The following LOXHD1 variants were observed in gnomAD, a reference collection of about 807,000 sequenced individuals.
LOXHD1 encodes the protein lipoxygenase homology PLAT domains 1, also known as lipoxygenase homology domain-containing protein 1.
In LOXHD1, 205 loss-of-function variants were observed where a neutral mutation model predicts 248.2. The ratio of observed to expected loss-of-function variants is 0.83; its 90% confidence interval spans 0.74 to 0.93. The LOEUF is 0.93. Ranked by LOEUF, LOXHD1 falls within the 40% of genes least tolerant of loss-of-function variation. LOXHD1 has a pLI of 0.00. For missense variants in LOXHD1, 2,930 were observed against 2,971.6 expected, an observed-to-expected ratio of 0.99 and a Z score of 0.33; for synonymous variants, 1,113 against 1,162.8, an observed-to-expected ratio of 0.96 and a Z score of 0.87.
At chr18:46,642,881 G>C (rs1004214015) in intron 2 of LOXHD1, among the ~76,000 whole-genome samples, 4 of 152,066 alleles carry the variant, frequency 2.6e-5, no homozygotes, top group Admixed American at 2.0e-4. Flanking sequence ...TATCCCACTG[G>C]GCTGAGAGCT....
rs74316327 is a variant in LOXHD1, at chr18:46,477,710, C to T, written c.6584G>A (p.Arg2195His). Residue 2195 changes from arginine to histidine, a missense_variant, in exon 41 of 41, where the codon CGC becomes CAC. By Grantham distance (29) the Arg-to-His change is conservative. Transcript: ENST00000642948. ...TGTGCTGCCCCGCTCGAAGAGGTTGCGCATTTTCTGCTTCAGCTCCCGCTT... is the reference window on the plus strand; with the variant it reads ...TGTGCTGCCCCGCTCGAAGAGGTTGTGCATTTTCTGCTTCAGCTCCCGCTT... ...TGKRELKQKM[R>H]NLFERGSTDR... The T allele has an allele frequency of 0.062, 96,945 of 1,551,918 alleles. 3,482 individuals carry two copies. The highest frequency in any genetic ancestry group is 0.073 in the Non-Finnish European group (83,266 of 1,147,058).
At chr18:46,622,366 T>C (rs139517671) in intron 4 of LOXHD1, among the ~76,000 whole-genome samples, 1 of 152,202 alleles carries the variant, frequency 6.6e-6, no homozygotes, top group South Asian at 2.1e-4. Flanking sequence ...TTTTTATGTG[T>C]CCCAAAATAT....
At chr18:46,518,338 G>C in intron 33 of LOXHD1, 82 bp from the exon 34 acceptor site, 1 of 1,474,194 alleles carries the variant, frequency 6.8e-7, no homozygotes, top group Non-Finnish European at 9.2e-7. Flanking sequence ...ACCAGAGAAA[G>C]AGACACACTG....
In LOXHD1 at chr18:46,529,144, G is replaced by A. The variant is rs2035950842; in HGVS notation, c.4530+33C>T. ...CTAGATCGCTGGGCCTGGAGAGGAG[G>A]GAAGGAGGGTAAACTCCGTGTGCCC... On this transcript the variant is annotated intron_variant, in intron 29 of 40. Transcript: ENST00000642948. 5.2e-6 allele frequency: 8 copies of A among 1,551,010 alleles called. No homozygotes were observed. The South Asian group carries it at 7.1e-5, about 14-fold the overall frequency.
intron 17 of LOXHD1, among the ~76,000 whole-genome samples, chr18:46,564,657 G>A (rs2037601927): frequency 6.6e-6 from 1 of 152,170 alleles, no homozygotes; most frequent in Admixed American, 6.5e-5. Context: ...GGAAGAGGTA[G>A]GTAAGGGAAC....
Position 46,500,372 on chromosome 18 carries a change from A to T in LOXHD1, c.5878+5466T>A, listed in dbSNP as rs2034150246. 3.3e-5 allele frequency among the ~76,000 whole-genome samples: 5 copies of T among 152,220 alleles called. No homozygotes were observed. The South Asian group carries it at 1.0e-3, about 31-fold the overall frequency. ...AGGCCTTCAAATTAAACTCATCAAG[A>T]TGAAGAAAGTTCTCCAGCATCCTCA... is the stretch of plus-strand genomic sequence containing the variant. On this transcript the variant is annotated intron_variant, in intron 37 of 40. Coordinates refer to ENST00000642948, the MANE Select transcript of LOXHD1 (RefSeq NM_001384474.1).
intron 12 of LOXHD1, among the ~76,000 whole-genome samples, chr18:46,589,738 T>A (rs1599032290): frequency 6.6e-6 from 1 of 152,244 alleles, no homozygotes; most frequent in East Asian, 1.9e-4. Context: ...CAAATTTATA[T>A]ACTGAAGTCC....
At chr18:46,633,694 G>A (rs1415298868) in intron 4 of LOXHD1, among the ~76,000 whole-genome samples, 1 of 152,234 alleles carries the variant, frequency 6.6e-6, no homozygotes, top group Middle Eastern at 3.4e-3. Context: ...TCATCGAATG[G>A]GAGAAAAATA....
chr18:46,529,112 C>A lies in LOXHD1; in HGVS notation c.4530+65G>T, dbSNP rs1024756412. The A allele has an allele frequency of 4.6e-6, 7 of 1,537,422 alleles. No individual in the cohort carries two copies. The African/African-American group carries it at 9.6e-5, about 21-fold the overall frequency. ...GGATGTCCCCAGGAACCAAGAAGAGCTGGCACCTAGATCGCTGGGCCTGGA... is the reference window on the plus strand; with the variant it reads ...GGATGTCCCCAGGAACCAAGAAGAGATGGCACCTAGATCGCTGGGCCTGGA... On this transcript the variant is annotated intron_variant, in intron 29 of 40. Coordinates refer to ENST00000642948, the MANE Select transcript of LOXHD1 (RefSeq NM_001384474.1).
intron 39 of LOXHD1, 133 bp from the exon 40 acceptor site, chr18:46,483,878 A>T: frequency 1.9e-6 from 2 of 1,059,712 alleles, no homozygotes; most frequent in Non-Finnish European, 2.7e-6. Flanking sequence ...AGCTCATGGC[A>T]GTCCTGGAGG....
chr18:46,604,005 G>T, intron 7 of LOXHD1, 101 bp downstream of exon 7: 2 of 1,458,872 alleles, frequency 1.4e-6, no homozygotes, highest in Non-Finnish European at 1.9e-6. Flanking sequence ...GACCCAGCTG[G>T]CTCCTGTTTG....
chr18:46,601,665 T>A, intron 7 of LOXHD1, 198 bp from the exon 8 acceptor site: 1 of 671,186 alleles, frequency 1.5e-6, no homozygotes, highest in Non-Finnish European at 2.6e-6. Flanking sequence ...AGTTTGTGTG[T>A]CCAATGCATC....
chr18:46,497,650 A>G (rs2033956347), intron 37 of LOXHD1, among the ~76,000 whole-genome samples: 1 of 152,210 alleles, frequency 6.6e-6, no homozygotes. Context: ...AAGTATAATT[A>G]AATTTTATAA....
At chr18:46,546,495 T>TTCAAC in intron 22 of LOXHD1, among the ~76,000 whole-genome samples, 1 of 93,026 alleles carries the variant, frequency 1.1e-5, no homozygotes, top group Admixed American at 1.1e-4. Flanking sequence ...TTCCATTCCA[T>TTCAAC]TCCACTCCAC....
intron 25 of LOXHD1, 101 bp downstream of exon 25, chr18:46,541,675 C>T (rs543778280): frequency 4.9e-5 from 67 of 1,359,572 alleles, no homozygotes; most frequent in Non-Finnish European, 5.7e-5. Context: ...TCAAGGTGGG[C>T]CTGGCCCACA....
At chr18:46,499,247 T>C (rs1246995900) in intron 37 of LOXHD1, among the ~76,000 whole-genome samples, 1 of 152,178 alleles carries the variant, frequency 6.6e-6, no homozygotes, top group East Asian at 1.9e-4. Context: ...TCTAACTTCA[T>C]TTGGGATAAT....
At chr18:46,521,025 C>G in intron 33 of LOXHD1, 72 bp downstream of exon 33, 1 of 1,494,790 alleles carries the variant, frequency 6.7e-7, no homozygotes, top group Non-Finnish European at 9.0e-7. Context: ...CCACTTCTGT[C>G]TCCCCTGCTG....
intron 37 of LOXHD1, among the ~76,000 whole-genome samples, chr18:46,502,281 G>T (rs1343123332): frequency 1.3e-5 from 2 of 152,294 alleles, no homozygotes; most frequent in African/African-American, 4.8e-5. Flanking sequence ...AGGCAGGAAT[G>T]GCTGAAAGGA....
intron 26 of LOXHD1, among the ~76,000 whole-genome samples, chr18:46,536,152 A>C (rs1182127561): frequency 6.6e-6 from 1 of 152,218 alleles, no homozygotes; most frequent in Non-Finnish European, 1.5e-5. Context: ...ACGTCTTGGA[A>C]ATGTTATAAA....
Sources: allele counts gnomAD v4.1 joint callset (sites outside exome capture counted in the v4.1 genomes callset), GRCh38; gene constraint gnomAD v4.1.1; transcripts MANE v1.5; gene names NCBI Gene and HGNC (gene_info 2026-07-23, HGNC 2026-07-21).